Variants in IL1RAPL1 observed in about 807,000 individuals in gnomAD.
IL1RAPL1 encodes the protein interleukin 1 receptor accessory protein like 1.
Under a neutral mutation model 48.4 loss-of-function variants are expected in IL1RAPL1, and 3 were observed. The ratio of observed to expected loss-of-function variants is 0.06; its 90% CI spans 0.03 to 0.16. The LOEUF (loss-of-function observed/expected upper bound fraction) is 0.16, where lower values mean the gene tolerates loss of function less well. IL1RAPL1 is among the 10% of genes least tolerant of loss of function. The pLI is 1.00. For synonymous variants in IL1RAPL1, 185 were observed against 187.7 expected, an observed-to-expected ratio of 0.99 and a Z score of 0.12; for missense variants, 349 against 530.6, an observed-to-expected ratio of 0.66 and a Z score of 3.36.
chrX:29,102,220 T>C (rs916934206), intron 2 of IL1RAPL1, among the ~76,000 whole-genome samples: 1 of 111,704 alleles, frequency 9.0e-6, no homozygotes, highest in Non-Finnish European at 1.9e-5. Context: ...GCTAGTATCA[T>C]AGTGAATAGA....
Position 28,640,973 on chromosome X carries a change from G to T in IL1RAPL1, c.-25+52926G>T, listed in dbSNP as rs377398985. On this transcript the variant is annotated intron_variant, in intron 1 of 10. Transcript: ENST00000378993. ...CAGAGATTTAAGAACAGCTTATCTG[G>T]GTAGCTCTGACTTGGTGTCTCTAAT... Among the ~76,000 whole-genome samples, 22 of 110,863 alleles carry T rather than the reference G, an allele frequency of 2.0e-4. No homozygotes were observed. The East Asian group carries it at 3.7e-3, about 19-fold the overall frequency.
chrX:28,861,868 A>T (rs201470360), intron 2 of IL1RAPL1, among the ~76,000 whole-genome samples: 2 of 106,777 alleles, frequency 1.9e-5, no homozygotes, highest in East Asian at 2.9e-4. Context: ...TTAATTTTCT[A>T]TTTTTTTTTT....
chrX:28,853,962 G>A (rs4893555), intron 2 of IL1RAPL1, among the ~76,000 whole-genome samples: 57,087 of 110,251 alleles, frequency 0.52, 12,372 homozygotes, highest in African/African-American at 0.82. Flanking sequence ...AGTAGGCAAT[G>A]GAAGGGCACA....
At chrX:29,453,827 C>T (rs1037979837) in intron 5 of IL1RAPL1, among the ~76,000 whole-genome samples, 1 of 112,142 alleles carries the variant, frequency 8.9e-6, no homozygotes, top group African/African-American at 3.2e-5. Flanking sequence ...TGCACTATCT[C>T]CCATATTTCA....
intron 2 of IL1RAPL1, among the ~76,000 whole-genome samples, chrX:28,818,578 T>G (rs1351003595): frequency 9.0e-6 from 1 of 111,007 alleles, no homozygotes; most frequent in Non-Finnish European, 1.9e-5. Context: ...TGCTTTCATC[T>G]TAGACTCTGA....
At chrX:29,632,996 A>G (rs145688758) in intron 5 of IL1RAPL1, among the ~76,000 whole-genome samples, 3,018 of 111,863 alleles carry the variant, frequency 0.027, 119 homozygotes, top group African/African-American at 0.093. Context: ...TTGAACATAT[A>G]TAATTCATCC....
At chrX:29,205,325 A>G (rs188521192) in intron 2 of IL1RAPL1, among the ~76,000 whole-genome samples, 23 of 112,263 alleles carry the variant, frequency 2.0e-4, no homozygotes, top group African/African-American at 5.8e-4. Context: ...TTGCAATTCA[A>G]ACATTCGAAT....
chrX:29,865,639 T>TC (rs1931674526), intron 6 of IL1RAPL1, among the ~76,000 whole-genome samples: 1 of 90,190 alleles, frequency 1.1e-5, no homozygotes, highest in South Asian at 6.0e-4. Flanking sequence ...TTCTTTTCTT[T>TC]TTTTTTTTTT....
At chrX:29,507,497 C>T (rs1196968145) in intron 5 of IL1RAPL1, among the ~76,000 whole-genome samples, 2 of 88,852 alleles carry the variant, frequency 2.3e-5, no homozygotes, top group Non-Finnish European at 4.4e-5. Flanking sequence ...CTTGACCTCC[C>T]GGGCTCAGGC....
chrX:29,520,378 T>TG (rs1298436388), intron 5 of IL1RAPL1, among the ~76,000 whole-genome samples: 1 of 112,195 alleles, frequency 8.9e-6, no homozygotes, highest in East Asian at 2.8e-4. Flanking sequence ...AAATTTATGA[T>TG]TTTGAGTTCT....
intron 5 of IL1RAPL1, among the ~76,000 whole-genome samples, chrX:29,649,562 C>T (rs748839382): frequency 1.6e-4 from 18 of 111,507 alleles, no homozygotes; most frequent in Admixed American, 3.8e-4. Context: ...AAGATAAAAA[C>T]TCTCAACAAA....
At chrX:28,978,817 A>G (rs1925264947) in intron 2 of IL1RAPL1, among the ~76,000 whole-genome samples, 1 of 112,197 alleles carries the variant, frequency 8.9e-6, no homozygotes, top group African/African-American at 3.2e-5. Context: ...GATGTATTCA[A>G]AAAAGTGTTT....
chrX:28,598,866 G>A (rs1933987400), intron 1 of IL1RAPL1, among the ~76,000 whole-genome samples: 1 of 108,841 alleles, frequency 9.2e-6, no homozygotes, highest in South Asian at 4.1e-4. Context: ...GACTTCAGGA[G>A]ATCCACCCAC....
At chrX:29,101,186 G>A (rs115035066) in intron 2 of IL1RAPL1, among the ~76,000 whole-genome samples, 4,173 of 111,657 alleles carry the variant, frequency 0.037, 69 homozygotes, top group Middle Eastern at 0.062. Context: ...AACCGATACC[G>A]CAGAAATTCA....
chrX:29,890,490 G>T (rs1932255605), intron 6 of IL1RAPL1, among the ~76,000 whole-genome samples: 2 of 111,909 alleles, frequency 1.8e-5, no homozygotes, highest in African/African-American at 6.5e-5. Flanking sequence ...CGAAGAACCT[G>T]ATTGTAACTA....
chrX:28,854,523 A>G (rs768884262), intron 2 of IL1RAPL1, among the ~76,000 whole-genome samples: 3 of 111,552 alleles, frequency 2.7e-5, no homozygotes, highest in Non-Finnish European at 3.8e-5. Context: ...CTAGGCATAG[A>G]TATCAGAGTT....
intron 5 of IL1RAPL1, among the ~76,000 whole-genome samples, chrX:29,516,589 ATGG>A (rs1268375406): frequency 9.0e-6 from 1 of 111,519 alleles, no homozygotes. Flanking sequence ...TTATACTATG[ATGG>A]TGGCAGTATC....
chrX:29,834,627 G>A (rs5973142), intron 6 of IL1RAPL1, among the ~76,000 whole-genome samples: 8,590 of 108,113 alleles, frequency 0.079, 855 homozygotes, highest in African/African-American at 0.27. Flanking sequence ...GTACTTCCAG[G>A]ATAGCCCTGC....
At chrX:29,183,580 C>G (rs1259512258) in intron 2 of IL1RAPL1, among the ~76,000 whole-genome samples, 1 of 112,336 alleles carries the variant, frequency 8.9e-6, no homozygotes, top group Non-Finnish European at 1.9e-5. Context: ...TACAAACTGT[C>G]ATCCCCAGTA....
Sources: allele counts gnomAD v4.1 joint callset (sites outside exome capture counted in the v4.1 genomes callset), GRCh38; gene constraint gnomAD v4.1.1; transcripts MANE v1.5; gene names NCBI Gene and HGNC (gene_info 2026-07-23, HGNC 2026-07-21).